The following STEAP1B variants were observed in gnomAD, a reference collection of about 807,000 sequenced individuals.
STEAP1B encodes STEAP family protein MGC87042.
Under a neutral mutation model 27.9 loss-of-function variants are expected in STEAP1B, and 13 were observed. That is an observed-to-expected ratio of 0.47 (90% CI 0.30 to 0.74). The LOEUF is 0.74. STEAP1B is among the 30% of genes least tolerant of loss of function. The probability of loss-of-function intolerance (pLI) is 0.06; values close to 1 mark genes in which losing one functional copy is unlikely to be tolerated. For synonymous variants in STEAP1B, 86 were observed against 107.1 expected, an observed-to-expected ratio of 0.80 and a Z score of 1.22; for missense variants, 250 against 298.7, an observed-to-expected ratio of 0.84 and a Z score of 1.20.
chr7:22,492,331 AAAAAAAAAAAAAAAAAGG>A, intron 4 of STEAP1B: 1 of 271,522 alleles, frequency 3.7e-6, no homozygotes, highest in East Asian at 1.2e-4. Flanking sequence ...AAAAAAAAAA[AAAAAAAAAAAAAAAAAGG>A]ATATTTTAAT....
At chr7:22,431,215 C>G (rs910533322) in intron 4 of STEAP1B, among the ~76,000 whole-genome samples, 1 of 152,098 alleles carries the variant, frequency 6.6e-6, no homozygotes, top group Non-Finnish European at 1.5e-5. Flanking sequence ...ACCAAAGATA[C>G]AGCTTCTCCT....
chr7:22,482,996 C>T lies in STEAP1B; in HGVS notation c.762+9569G>A, dbSNP rs1395346936. Among the ~76,000 whole-genome samples the T allele has an allele frequency of 5.3e-5, 8 of 152,110 alleles. No individual in the cohort carries two copies. The East Asian group carries it at 9.7e-4, about 18-fold the overall frequency. On this transcript the variant is annotated intron_variant, in intron 4 of 4. Coordinates refer to ENST00000678116, the MANE Select transcript of STEAP1B (RefSeq NM_001382447.1). ...TGTCCATTGACTGCCAGATCTGTGC[C>T]GCCAGCACATCATCCCACCAACTTT... is the stretch of plus-strand genomic sequence containing the variant.
chr7:22,489,228 C>T (rs1191543078), intron 4 of STEAP1B, among the ~76,000 whole-genome samples: 1 of 152,198 alleles, frequency 6.6e-6, no homozygotes, highest in Non-Finnish European at 1.5e-5. Context: ...AAGGAAGACA[C>T]TGTCCTAGCT....
In STEAP1B at chr7:22,420,062, A is replaced by G. The variant is rs867444178; in HGVS notation, c.763-226T>C. On this transcript the variant is annotated intron_variant, in intron 4 of 4. Coordinates refer to ENST00000678116, the MANE Select transcript of STEAP1B (RefSeq NM_001382447.1). ...CTCCCTGAGATATCTAAAGAAGACT[A>G]CATTGTGGGGCAATGAGAGTCCCAC... Among the ~76,000 whole-genome samples, 3 of 152,140 alleles carry G rather than the reference A, an allele frequency of 2.0e-5. No individual in the cohort carries two copies. The South Asian group carries it at 6.2e-4, about 32-fold the overall frequency.
intron 4 of STEAP1B, among the ~76,000 whole-genome samples, chr7:22,445,629 G>A (rs562870520): frequency 6.6e-6 from 1 of 152,380 alleles, no homozygotes; most frequent in East Asian, 1.9e-4. Flanking sequence ...CCTCTGAATG[G>A]GGATTTGGTC....
At chr7:22,456,571 G>C (rs1478905553) in intron 4 of STEAP1B, among the ~76,000 whole-genome samples, 1 of 152,176 alleles carries the variant, frequency 6.6e-6, no homozygotes, top group Non-Finnish European at 1.5e-5. Flanking sequence ...TCAGATGTGA[G>C]TTGAGACACA....
chr7:22,485,276 T>C (rs1786182322), intron 4 of STEAP1B, among the ~76,000 whole-genome samples: 4 of 152,168 alleles, frequency 2.6e-5, no homozygotes, highest in Admixed American at 2.0e-4. Context: ...TTTTAAGAAA[T>C]TGCCACAGCC....
At chr7:22,487,044 G>A (rs942889874) in intron 4 of STEAP1B, among the ~76,000 whole-genome samples, 73 of 152,198 alleles carry the variant, frequency 4.8e-4, no homozygotes, top group African/African-American at 1.6e-3. Flanking sequence ...GATAGAGGAA[G>A]GAAGGAAACA....
intron 1 of STEAP1B, among the ~76,000 whole-genome samples, chr7:22,496,075 A>G (rs1786434707): frequency 6.6e-6 from 1 of 152,226 alleles, no homozygotes; most frequent in South Asian, 2.1e-4. Flanking sequence ...AAGACCTTCC[A>G]GTGGGACAAG....
chr7:22,461,074 C>G (rs1785671005), intron 4 of STEAP1B, among the ~76,000 whole-genome samples: 2 of 152,160 alleles, frequency 1.3e-5, no homozygotes, highest in Non-Finnish European at 2.9e-5. Flanking sequence ...CAATACGGAA[C>G]AGCTAGCTGT....
intron 4 of STEAP1B, among the ~76,000 whole-genome samples, chr7:22,448,107 T>C (rs918500867): frequency 3.9e-5 from 6 of 152,238 alleles, no homozygotes; most frequent in Non-Finnish European, 7.3e-5. Context: ...CGAGGCAACA[T>C]TGTTTACTCT....
At chr7:22,497,832 T>C (rs10265189) in intron 1 of STEAP1B, among the ~76,000 whole-genome samples, 16,131 of 152,156 alleles carry the variant, frequency 0.11, 1,039 homozygotes, top group African/African-American at 0.17. Context: ...AGAGGGCTTA[T>C]AGTCATGGTG....
At chr7:22,424,951 A>T (rs1785088182) in intron 4 of STEAP1B, among the ~76,000 whole-genome samples, 1 of 152,082 alleles carries the variant, frequency 6.6e-6, no homozygotes, top group Non-Finnish European at 1.5e-5. Context: ...AAAAATATGT[A>T]GAAAAAATGC....
chr7:22,438,163 C>T (rs80246691), intron 4 of STEAP1B, among the ~76,000 whole-genome samples: 212 of 152,188 alleles, frequency 1.4e-3, no homozygotes, highest in African/African-American at 4.7e-3. Flanking sequence ...TTTCCTGTCC[C>T]GAGAAACTCC....
Position 22,453,920 on chromosome 7 carries a change from A to G in STEAP1B, c.763-34084T>C, listed in dbSNP as rs1447808581. Among the ~76,000 whole-genome samples the G allele has an allele frequency of 1.3e-5, 2 of 152,220 alleles. 1 individual carries two copies. Among genetic ancestry groups the G allele is most frequent in the Non-Finnish European group, 2.9e-5 (2 of 68,040 alleles). ...GAGTAGTATTCCACTGTATGAATAT[A>G]CAGCAATGTATCCATTCTGCTGTTG... On this transcript the variant is annotated intron_variant, in intron 4 of 4. Coordinates refer to ENST00000678116, the MANE Select transcript of STEAP1B (RefSeq NM_001382447.1).
intron 4 of STEAP1B, among the ~76,000 whole-genome samples, chr7:22,479,603 C>T (rs1328160270): frequency 6.6e-6 from 1 of 151,518 alleles, no homozygotes; most frequent in Non-Finnish European, 1.5e-5. Flanking sequence ...CTGTAAGCCT[C>T]CTGAGGCTCT....
chr7:22,426,192 TAAAAAAATG>T (rs906588385), intron 4 of STEAP1B, among the ~76,000 whole-genome samples: 1 of 151,944 alleles, frequency 6.6e-6, no homozygotes, highest in African/African-American at 2.4e-5. Flanking sequence ...GGGCACTGCA[TAAAAAAATG>T]AAAAGTTTGA....
chr7:22,482,867 G>A lies in STEAP1B; in HGVS notation c.762+9698C>T, dbSNP rs567509686. ...TCAGGCCTTTCATAAGTCAACAGCA[G>A]TTTATGAGTGGCTTTGAACTGGGGA... On this transcript the variant is annotated intron_variant, in intron 4 of 4. Transcript: ENST00000678116. Among the ~76,000 whole-genome samples, 16 of 152,334 alleles carry A rather than the reference G, an allele frequency of 1.1e-4. 1 individual carries two copies. In the South Asian group the frequency reaches 3.1e-3, roughly 30 times the overall value.
At chr7:22,421,663 T>C (rs1785044523) in intron 4 of STEAP1B, among the ~76,000 whole-genome samples, 1 of 152,218 alleles carries the variant, frequency 6.6e-6, no homozygotes, top group Admixed American at 6.5e-5. Context: ...CCCTTTTGAA[T>C]ACAGATATAA....
Sources: allele counts gnomAD v4.1 joint callset (sites outside exome capture counted in the v4.1 genomes callset), GRCh38; gene constraint gnomAD v4.1.1; transcripts MANE v1.5; gene names NCBI Gene and HGNC (gene_info 2026-07-23, HGNC 2026-07-21).